The following DACH2 variants were observed in gnomAD, a reference collection of about 807,000 sequenced individuals.
The protein encoded by DACH2 is dachshund family transcription factor 2, also known as dachshund homolog 2.
A neutral mutation model predicts 35.8 loss-of-function variants in DACH2; 17 were observed. The ratio of observed to expected loss-of-function variants is 0.48; its 90% CI spans 0.33 to 0.71. DACH2 has a LOEUF of 0.71. Among genes scored for constraint, DACH2 ranks in the 30% least tolerant of loss-of-function variants. DACH2 has a pLI of 0.02. For missense variants in DACH2, 469 were observed against 472.7 expected (o/e 0.99, Z 0.07); for synonymous variants, 195 against 177.3 (o/e 1.10, Z -0.79).
chrX:86,495,974 T>C (rs1050967965), intron 2 of DACH2, among the ~76,000 whole-genome samples: 5 of 111,426 alleles, frequency 4.5e-5, no homozygotes, highest in Admixed American at 9.6e-5. Context: ...TGTTCCATTT[T>C]TTAGAAAGTG....
chrX:86,548,425 C>T (rs148399686), intron 3 of DACH2, among the ~76,000 whole-genome samples: 670 of 111,796 alleles, frequency 6.0e-3, no homozygotes, highest in Non-Finnish European at 9.1e-3. Context: ...CTTCAGAAAA[C>T]GGGAAATTGA....
chrX:86,323,930 A>C (rs896195234), intron 1 of DACH2, among the ~76,000 whole-genome samples: 26 of 111,977 alleles, frequency 2.3e-4, no homozygotes, highest in South Asian at 3.7e-4. Flanking sequence ...TTGAGAGAAT[A>C]AAAACTGAGT....
intron 3 of DACH2, among the ~76,000 whole-genome samples, chrX:86,634,098 C>G (rs1263581946): frequency 9.0e-6 from 1 of 110,548 alleles, no homozygotes; most frequent in East Asian, 2.9e-4. Flanking sequence ...CATGGCTCAG[C>G]AGGAGAGAGA....
At chrX:86,676,497 C>A (rs1736720291) in intron 4 of DACH2, among the ~76,000 whole-genome samples, 1 of 111,661 alleles carries the variant, frequency 9.0e-6, no homozygotes, top group South Asian at 3.8e-4. Context: ...TACAGACCAG[C>A]ACTGACCAAT....
At chrX:86,287,656 A>T (rs2034179839) in intron 1 of DACH2, among the ~76,000 whole-genome samples, 1 of 111,747 alleles carries the variant, frequency 8.9e-6, no homozygotes, top group Admixed American at 9.5e-5. Context: ...CTTCTACTTG[A>T]TTGATTCTAC....
intron 1 of DACH2, among the ~76,000 whole-genome samples, chrX:86,282,002 G>A (rs998701853): frequency 8.9e-6 from 1 of 111,810 alleles, no homozygotes; most frequent in Non-Finnish European, 1.9e-5. Context: ...AATAAGACAG[G>A]ACACAAACAA....
At chrX:86,497,705 T>C (rs931781904) in intron 2 of DACH2, among the ~76,000 whole-genome samples, 1 of 111,951 alleles carries the variant, frequency 8.9e-6, no homozygotes, top group Non-Finnish European at 1.9e-5. Flanking sequence ...TAGAAGTCAA[T>C]TATACTGGCC....
At chrX:86,177,353 G>A (rs1455678043) in intron 1 of DACH2, among the ~76,000 whole-genome samples, 1 of 111,956 alleles carries the variant, frequency 8.9e-6, no homozygotes, top group Admixed American at 9.5e-5. Context: ...TGTTTTCTGA[G>A]TCATTCATTA....
chrX:86,508,524 C>T (rs1335659293), intron 2 of DACH2, among the ~76,000 whole-genome samples: 7 of 109,054 alleles, frequency 6.4e-5, no homozygotes, highest in Non-Finnish European at 1.1e-4. Context: ...TGCACCACTG[C>T]GCTCCAGCCT....
intron 1 of DACH2, among the ~76,000 whole-genome samples, chrX:86,347,742 A>G (rs1411528335): frequency 1.8e-5 from 2 of 112,737 alleles, no homozygotes; most frequent in African/African-American, 6.4e-5. Context: ...TTTTAAAGAA[A>G]CATAAATGTT....
Position 86,433,651 on chromosome X carries a change from C to T in DACH2, c.527+56789C>T, listed in dbSNP as rs183242956. ...TTACAGATAGTTTGACAGGAGGAAC[C>T]ATCCAGGCTGTAATTGTGGTAAGGA... is the stretch of plus-strand genomic sequence containing the variant. On this transcript the variant is annotated intron_variant, in intron 2 of 11. Transcript: ENST00000373125. Among the ~76,000 whole-genome samples, 448 of 111,442 alleles carry T rather than the reference C, an allele frequency of 4.0e-3. 3 individuals carry two copies. The highest frequency in any genetic ancestry group is 0.014 in the African/African-American group (423 of 30,727).
chrX:86,495,648 A>G (rs1430529388), intron 2 of DACH2, among the ~76,000 whole-genome samples: 1 of 109,385 alleles, frequency 9.1e-6, no homozygotes, highest in Non-Finnish European at 1.9e-5. Context: ...CATCTCTAAA[A>G]AGGAAAATAT....
chrX:86,496,461 T>C (rs2038173373), intron 2 of DACH2, among the ~76,000 whole-genome samples: 1 of 110,869 alleles, frequency 9.0e-6, no homozygotes, highest in Admixed American at 9.7e-5. Flanking sequence ...GTACCCAATT[T>C]TCAGTAACGG....
At chrX:86,334,536 G>T (rs1050012347) in intron 1 of DACH2, among the ~76,000 whole-genome samples, 52 of 111,995 alleles carry the variant, frequency 4.6e-4, no homozygotes, top group African/African-American at 1.6e-3. Context: ...TCATATGTTT[G>T]CTGACTGCAT....
At chrX:86,463,088 G>A (rs1351332493) in intron 2 of DACH2, among the ~76,000 whole-genome samples, 4 of 111,036 alleles carry the variant, frequency 3.6e-5, no homozygotes, top group Admixed American at 1.9e-4. Flanking sequence ...AAAGCACTAC[G>A]ATAGAAACTA....
At chrX:86,672,287 A>G (rs1281613688) in intron 4 of DACH2, among the ~76,000 whole-genome samples, 1 of 112,085 alleles carries the variant, frequency 8.9e-6, no homozygotes, top group African/African-American at 3.2e-5. Flanking sequence ...AGAAAAACCA[A>G]TTTTCTGTGA....
rs747861832 is a variant in DACH2, at chrX:86,714,701, C to G, written c.1085C>G (p.Ala362Gly). 69 of 1,170,228 alleles carry G rather than the reference C, an allele frequency of 5.9e-5. No homozygotes were observed. The highest frequency in any genetic ancestry group is 7.1e-5 in the Non-Finnish European group (62 of 869,882). ...CAGATTCACAGTCCACTCTCCAGAG[C>G]TGGTACCTCTGTTATAAAGGTAAGA... ...AAQIHSPLSR[A>G]GTSVIKERIP... is the part of the protein sequence containing the mutation. The change falls in exon 6 of 12, where the codon GCT (alanine) becomes GGT (glycine). Residue 362 changes from alanine (A) to glycine (G), a missense_variant. By Grantham distance (60) the Ala-to-Gly change is moderately conservative (BLOSUM62 0). Transcript: ENST00000373125.
At chrX:86,178,141 T>C (rs749921013) in intron 1 of DACH2, among the ~76,000 whole-genome samples, 1 of 111,668 alleles carries the variant, frequency 9.0e-6, no homozygotes, top group East Asian at 2.8e-4. Context: ...AGGAAACTGT[T>C]ATCAGAAAAT....
chrX:86,682,609 A>G (rs1481996462), intron 4 of DACH2, among the ~76,000 whole-genome samples: 3 of 111,639 alleles, frequency 2.7e-5, no homozygotes, highest in African/African-American at 6.5e-5. Context: ...ACTGATAATT[A>G]TAGTTTTAAT....
Sources: allele counts gnomAD v4.1 joint callset (sites outside exome capture counted in the v4.1 genomes callset), GRCh38; gene constraint gnomAD v4.1.1; transcripts MANE v1.5; gene names NCBI Gene and HGNC (gene_info 2026-07-23, HGNC 2026-07-21).